PARD3: variants seen among roughly 807,000 people sequenced by gnomAD.
The protein encoded by PARD3 is par-3 family cell polarity regulator.
Under a neutral mutation model 155.4 loss-of-function variants are expected in PARD3, and 75 were observed. That is an observed-to-expected ratio of 0.48 (90% confidence interval 0.40 to 0.58). PARD3 has a LOEUF of 0.58. Among genes scored for constraint, PARD3 ranks in the 20% least tolerant of loss-of-function variants. The probability of loss-of-function intolerance (pLI) is 0.00; values close to 1 mark genes in which losing one functional copy is unlikely to be tolerated. For missense variants in PARD3, 1,642 were observed against 1,721.7 expected (o/e 0.95, Z 0.82); for synonymous variants, 576 against 610.5 (o/e 0.94, Z 0.83).
rs373651068 is a variant in PARD3 at position 34,587,963 on chromosome 10, G to C, written c.223-70804C>G. 8.5e-5 allele frequency among the ~76,000 whole-genome samples: 13 copies of C among 152,248 alleles called. 1 individual carries two copies. The highest frequency in any genetic ancestry group is 3.1e-4 in the African/African-American group (13 of 41,540). On this transcript the variant is annotated intron_variant, in intron 2 of 24. Transcript: ENST00000374788. ...TCTGCGGTGACCAGTTCAAAATTCT[G>C]AATCACTTTTAAACAATAGACTCGC...
chr10:34,156,643 G>C (rs953257680), intron 22 of PARD3, among the ~76,000 whole-genome samples: 1 of 152,160 alleles, frequency 6.6e-6, no homozygotes, highest in Non-Finnish European at 1.5e-5. Context: ...ACTTGCATGA[G>C]AAAGTTCCTC....
chr10:34,692,234 A>C (rs1475811813), intron 2 of PARD3, among the ~76,000 whole-genome samples: 1 of 258 alleles, frequency 3.9e-3, no homozygotes, highest in East Asian at 0.17. Flanking sequence ...CTTCATTTCA[A>C]AAAAAAAAAA....
chr10:34,622,074 A>G (rs1466195914), intron 2 of PARD3, among the ~76,000 whole-genome samples: 1 of 152,224 alleles, frequency 6.6e-6, no homozygotes, highest in Non-Finnish European at 1.5e-5. Flanking sequence ...CATCGATTAC[A>G]TTATTTTACT....
intron 22 of PARD3, among the ~76,000 whole-genome samples, chr10:34,179,584 C>T (rs377726290): frequency 9.2e-5 from 14 of 152,290 alleles, no homozygotes; most frequent in African/African-American, 3.4e-4. Flanking sequence ...AAAAGAAACT[C>T]AGAACTCACT....
chr10:34,320,745 T>C (rs1262483277), intron 19 of PARD3, among the ~76,000 whole-genome samples: 6 of 152,252 alleles, frequency 3.9e-5, no homozygotes, highest in African/African-American at 1.4e-4. Context: ...TTTTATAAAA[T>C]TAAAAGTCCT....
At chr10:34,124,693 AC>A (rs1350562882) in intron 23 of PARD3, among the ~76,000 whole-genome samples, 2 of 152,154 alleles carry the variant, frequency 1.3e-5, no homozygotes, top group East Asian at 1.9e-4. Flanking sequence ...TGCAAAGCAC[AC>A]CCGTTTCCCT....
intron 1 of PARD3, among the ~76,000 whole-genome samples, chr10:34,699,003 T>C (rs1337799357): frequency 1.3e-5 from 2 of 152,204 alleles, no homozygotes; most frequent in Non-Finnish European, 2.9e-5. Flanking sequence ...CAAAAGTCTG[T>C]TGTCTGTCCT....
At chr10:34,258,312 C>A (rs1954764327) in intron 22 of PARD3, among the ~76,000 whole-genome samples, 1 of 152,092 alleles carries the variant, frequency 6.6e-6, no homozygotes, top group African/African-American at 2.4e-5. Flanking sequence ...CCATCAGTAT[C>A]CATGGGCCGC....
intron 20 of PARD3, among the ~76,000 whole-genome samples, chr10:34,302,659 G>C (rs1400833988): frequency 6.6e-6 from 1 of 152,146 alleles, no homozygotes; most frequent in Non-Finnish European, 1.5e-5. Context: ...ACCTGTACAC[G>C]AGGTTGCAAG....
chr10:34,188,748 C>CT (rs377645004), intron 22 of PARD3, among the ~76,000 whole-genome samples: 193 of 132,950 alleles, frequency 1.5e-3, no homozygotes, highest in African/African-American at 3.7e-3. Context: ...CTTAAAATCG[C>CT]TTTTTTTTTT....
intron 21 of PARD3, among the ~76,000 whole-genome samples, chr10:34,279,014 GA>G (rs1956027657): frequency 6.6e-6 from 1 of 151,818 alleles, no homozygotes; most frequent in African/African-American, 2.4e-5. Context: ...ATATATCTAG[GA>G]CAGCTCTCAT....
chr10:34,758,132 G>A (rs1366059129), intron 1 of PARD3, among the ~76,000 whole-genome samples: 1 of 152,090 alleles, frequency 6.6e-6, no homozygotes, highest in African/African-American at 2.4e-5. Context: ...TTATCTACAT[G>A]GGCCACTTTA....
chr10:34,456,048 G>T (rs2077321096), intron 4 of PARD3, among the ~76,000 whole-genome samples: 1 of 152,134 alleles, frequency 6.6e-6, no homozygotes, highest in Non-Finnish European at 1.5e-5. Context: ...AAAGACAAAT[G>T]AAAGAGTATG....
chr10:34,808,830 G>A (rs541800003), intron 1 of PARD3, among the ~76,000 whole-genome samples: 9 of 152,250 alleles, frequency 5.9e-5, no homozygotes, highest in Non-Finnish European at 7.3e-5. Flanking sequence ...GCCAAGAAGC[G>A]CTTCACATCC....
intron 20 of PARD3, among the ~76,000 whole-genome samples, chr10:34,315,327 T>C (rs1957943805): frequency 6.6e-6 from 1 of 152,192 alleles, no homozygotes; most frequent in African/African-American, 2.4e-5. Flanking sequence ...CTTTCTTTCT[T>C]CTGGAGTTGC....
At chr10:34,748,527 T>A (rs1235482039) in intron 1 of PARD3, among the ~76,000 whole-genome samples, 1 of 151,916 alleles carries the variant, frequency 6.6e-6, no homozygotes, top group African/African-American at 2.4e-5. Flanking sequence ...CTCAGTCACC[T>A]CCACATCCTC....
In PARD3 at chr10:34,644,764, T is replaced by G. The variant is rs970193503; in HGVS notation, c.222+51554A>C. Among the ~76,000 whole-genome samples the G allele has an allele frequency of 1.9e-4, 29 of 152,200 alleles. 1 individual carries two copies. Among genetic ancestry groups the G allele is most frequent in the Admixed American group, 1.6e-3 (24 of 15,278 alleles). ...ACACAGGTCTGCTAGGACAAGAGCA[T>G]TCTCAGTGACAAAAACAGTGGAATT... is the stretch of plus-strand genomic sequence containing the variant. On this transcript the variant is annotated intron_variant, in intron 2 of 24. Coordinates refer to ENST00000374788, the MANE Select transcript of PARD3 (RefSeq NM_001184785.2).
intron 2 of PARD3, among the ~76,000 whole-genome samples, chr10:34,551,071 C>G (rs1262072271): frequency 4.6e-5 from 7 of 151,840 alleles, no homozygotes; most frequent in Admixed American, 4.6e-4. Flanking sequence ...AAAATGTATG[C>G]AAAAAAAGAG....
chr10:34,795,240 G>A (rs917627688), intron 1 of PARD3, among the ~76,000 whole-genome samples: 1 of 152,216 alleles, frequency 6.6e-6, no homozygotes, highest in African/African-American at 2.4e-5. Flanking sequence ...CTGGCTGTGG[G>A]ATTGATTGTG....
Sources: gnomAD v4.1 joint callset for allele counts (sites outside exome capture counted in the v4.1 genomes callset) on GRCh38, gnomAD v4.1.1 for gene constraint, MANE v1.5 for transcripts, NCBI Gene and HGNC (gene_info 2026-07-23, HGNC 2026-07-21) for gene names.